Variants in CANT1 observed in about 807,000 individuals in gnomAD.
CANT1 encodes the protein soluble calcium-activated nucleotidase 1.
In CANT1, 26 loss-of-function variants were observed where a neutral mutation model predicts 30.0. That is an observed-to-expected ratio of 0.87 (90% CI 0.64 to 1.20). The LOEUF is 1.20. CANT1 is among the 50% of genes most tolerant of loss of function. The pLI is 0.00. For missense variants in CANT1, 518 were observed against 563.0 expected, an observed-to-expected ratio of 0.92 and a Z score of 0.81; for synonymous variants, 246 against 251.8, an observed-to-expected ratio of 0.98 and a Z score of 0.22.
rs1057135787 is a variant in CANT1, at chr17:79,009,733, C to T, written c.-216G>A. 2 of 151,602 alleles carry T rather than the reference C, an allele frequency of 1.3e-5. No homozygotes were observed. Among genetic ancestry groups the T allele is most frequent in the Non-Finnish European group, 2.9e-5 (2 of 67,844 alleles). 9.4% of individuals were successfully genotyped at this position (151,602 alleles called of 1,614,324 possible). The stretch of plus-strand genomic sequence containing the variant: ...CTGGGCTTGGCTGGGCTTGGCTGGG[C>T]TAACGGCCGGGACGGAGGAAGGTGG... On this transcript the variant is annotated 5_prime_UTR_variant, in exon 1 of 5. Coordinates refer to ENST00000392446, the MANE Select transcript of CANT1 (RefSeq NM_001159773.2).
chr17:78,997,551 G>GC lies in CANT1; in HGVS notation c.71dup (p.Leu25ProfsTer65), dbSNP rs763733217. On this transcript the variant is annotated frameshift_variant, in exon 3 of 5. Coordinates refer to ENST00000392446, the MANE Select transcript of CANT1 (RefSeq NM_001159773.2). LOFTEE classifies it high-confidence loss of function. The surrounding 1 kb of genome is among the most constrained non-coding windows in gnomAD (Gnocchi z 7.5). ...TGGTCATGGACGCCAGCACAGGAAG[G>GC]CCCCCCACACTGATCCGGAGGGAGT... is the stretch of plus-strand genomic sequence containing the variant. 1.0e-5 allele frequency: 16 copies of GC among 1,565,180 alleles called. No homozygotes were observed. Among genetic ancestry groups the GC allele is most frequent in the East Asian group, 9.1e-5 (4 of 44,198 alleles).
Position 78,991,846 on chromosome 17 carries a change from C to T in CANT1, c.*1704G>A. ...TGAGCTTTAAAGTAATCGCAAATCA[C>T]TGCCTATGCGAAGAGGCTGCTTCCG... is the stretch of plus-strand genomic sequence containing the variant. On this transcript the variant is annotated 3_prime_UTR_variant, in exon 5 of 5. Transcript: ENST00000392446. The T allele has an allele frequency of 4.3e-6, 1 of 230,694 alleles. No individual in the cohort carries two copies. The allele number at this position is 230,694 out of a possible 1,614,324, so 14.3% of individuals were successfully genotyped here.
At position 78,996,127 on chromosome 17, in the gene CANT1, G is replaced by A. The variant is rs1023321693; in HGVS notation, c.631+865C>T. Reference sequence around the variant, plus strand: ...ACCAACGCCTCAGTTGATACCTCAGGTGAGGTCCGTCCCCTGCCCAGCCCT... The same window carrying A: ...ACCAACGCCTCAGTTGATACCTCAGATGAGGTCCGTCCCCTGCCCAGCCCT... On this transcript the variant is annotated intron_variant, in intron 3 of 4. Transcript: ENST00000392446. This position sits in a 1 kb window ranked among gnomAD's most constrained non-coding sequence, Gnocchi z 5.1. 6.6e-6 allele frequency among the ~76,000 whole-genome samples: 1 copy of A among 152,218 alleles called. No individual in the cohort carries two copies. The highest frequency in any genetic ancestry group is 2.1e-4 in the South Asian group (1 of 4,834).
intron 1 of CANT1, chr17:79,005,233 GGAGTTAGGGAGGTGA>G (rs1164597619): frequency 1.3e-5 from 2 of 150,690 alleles, no homozygotes; most frequent in African/African-American, 2.5e-5. Flanking sequence ...TAGGGAGGGG[GGAGTTAGGGAGGTGA>G]GAGTTAAAGA....
intron 4 of CANT1, among the ~76,000 whole-genome samples, chr17:78,994,780 C>T (rs962705244): frequency 3.3e-5 from 5 of 152,126 alleles, no homozygotes; most frequent in Admixed American, 1.3e-4. Flanking sequence ...ATTAGCTGGG[C>T]GTGGTGGTGC....
chr17:79,007,000 G>A (rs746994456), intron 1 of CANT1, among the ~76,000 whole-genome samples: 55 of 152,180 alleles, frequency 3.6e-4, no homozygotes, highest in Non-Finnish European at 1.5e-4. Flanking sequence ...GTGGCATCAC[G>A]CACTGTCTTA....
rs1274775413 is a variant in CANT1 at position 78,996,341 on chromosome 17, C to T, written c.631+651G>A. 6.6e-6 allele frequency among the ~76,000 whole-genome samples: 1 copy of T among 152,160 alleles called. No individual in the cohort carries two copies. The highest frequency in any genetic ancestry group is 1.5e-5 in the Non-Finnish European group (1 of 68,008). On this transcript the variant is annotated intron_variant, in intron 3 of 4. Coordinates refer to ENST00000392446, the MANE Select transcript of CANT1 (RefSeq NM_001159773.2). The surrounding 1 kb of genome is among the most constrained non-coding windows in gnomAD (Gnocchi z 5.1). ...CTCAGAGGAGCTGGCAGCTCCTCTG[C>T]CAGCGTCCTTGGCACCTCCCCAGCT...
chr17:78,994,901 C>CAGA, intron 4 of CANT1, 117 bp downstream of exon 4: 1 of 1,091,458 alleles, frequency 9.2e-7, no homozygotes, highest in South Asian at 1.4e-5. Context: ...ACCGGGGTGA[C>CAGA]AGAGCAAGAC....
Position 78,998,344 on chromosome 17 carries a change from G to C in CANT1, c.-146-381C>G, listed in dbSNP as rs138834308. 6.6e-6 allele frequency: 1 copy of C among 152,454 alleles called. No individual in the cohort carries two copies. The highest frequency in any genetic ancestry group is 6.5e-5 in the Admixed American group (1 of 15,284). 9.4% of individuals were successfully genotyped at this position (152,454 alleles called of 1,614,324 possible). On this transcript the variant is annotated intron_variant, in intron 1 of 4. Coordinates refer to ENST00000392446, the MANE Select transcript of CANT1 (RefSeq NM_001159773.2). The surrounding 1 kb of genome is among the most constrained non-coding windows in gnomAD (Gnocchi z 4.5). ...CAAATAAAAACACTCCTTCTTTTTC[G>C]TATCTGTTGTTGTTTTTGGCAGTGT...
In CANT1 at chr17:79,002,999, C is replaced by T. The variant is rs1469885312; in HGVS notation, c.-146-5036G>A. The stretch of plus-strand genomic sequence containing the variant: ...GGAACCAGAGGTGTCTGAGTCCCGG[C>T]GTCTCTGCCCCTCTGGGGAATCAGT... On this transcript the variant is annotated intron_variant, in intron 1 of 4. Coordinates refer to ENST00000392446, the MANE Select transcript of CANT1 (RefSeq NM_001159773.2). The surrounding 1 kb of genome is among the most constrained non-coding windows in gnomAD (Gnocchi z 4.0). Among the ~76,000 whole-genome samples the T allele has an allele frequency of 5.3e-5, 8 of 151,894 alleles. No homozygotes were observed. Among genetic ancestry groups the T allele is most frequent in the African/African-American group, 1.4e-4 (6 of 41,388 alleles).
chr17:78,992,584 C>A lies in CANT1; in HGVS notation c.*966G>T. The A allele has an allele frequency of 2.2e-6, 1 of 457,036 alleles. No individual in the cohort carries two copies. The highest frequency in any genetic ancestry group is 4.3e-6 in the Non-Finnish European group (1 of 232,592). 28.3% of individuals were successfully genotyped at this position (457,036 alleles called of 1,614,324 possible). ...GAAGAGACAGGCCTCGTTCACAGAC[C>A]CTAGGCAGGGAATAAAAAATTCAAG... On this transcript the variant is annotated 3_prime_UTR_variant, in exon 5 of 5. Transcript: ENST00000392446.
At chr17:79,005,775 C>T (rs1228567664) in intron 1 of CANT1, among the ~76,000 whole-genome samples, 1 of 152,144 alleles carries the variant, frequency 6.6e-6, no homozygotes, top group Non-Finnish European at 1.5e-5. Context: ...CCCCACTGAC[C>T]TACAGACTCT....
chr17:79,000,690 C>T (rs905073338), intron 1 of CANT1, among the ~76,000 whole-genome samples: 1 of 152,246 alleles, frequency 6.6e-6, no homozygotes, highest in Non-Finnish European at 1.5e-5. Context: ...CCTGACCACA[C>T]TGGCCCTGGC....
Position 78,993,471 on chromosome 17 carries a change from A to G in CANT1, c.*79T>C, listed in dbSNP as rs1286976995. On this transcript the variant is annotated 3_prime_UTR_variant, in exon 5 of 5. Transcript: ENST00000392446. This position sits in a 1 kb window ranked among gnomAD's most constrained non-coding sequence, Gnocchi z 4.5. ...ACCCAGGCACAGTTCCAAAAAGAACAAAACAAAACAAAAGTGCACTCCTCT... is the reference window on the plus strand; with the variant it reads ...ACCCAGGCACAGTTCCAAAAAGAACGAAACAAAACAAAAGTGCACTCCTCT... 1.2e-6 allele frequency: 2 copies of G among 1,601,680 alleles called. No individual in the cohort carries two copies. The highest frequency in any genetic ancestry group is 1.7e-6 in the Non-Finnish European group (2 of 1,171,804).
intron 4 of CANT1, 125 bp downstream of exon 4, chr17:78,994,893 C>T (rs1038814687): frequency 4.7e-5 from 48 of 1,027,944 alleles, no homozygotes; most frequent in Admixed American, 1.0e-4. Context: ...GCACTCTAAC[C>T]GGGGTGACAG....
chr17:78,993,253 G>C lies in CANT1; in HGVS notation c.*297C>G. On this transcript the variant is annotated 3_prime_UTR_variant, in exon 5 of 5. Transcript: ENST00000392446. The surrounding 1 kb of genome is among the most constrained non-coding windows in gnomAD (Gnocchi z 4.5). ...TCACTGAACAAAAGAACATAGGAAA[G>C]AAAAGAAACGAGGTCGGATGGAAGA... The C allele has an allele frequency of 2.1e-6, 1 of 478,472 alleles. No homozygotes were observed. The highest frequency in any genetic ancestry group is 2.1e-5 in the South Asian group (1 of 46,878). 29.6% of individuals were successfully genotyped at this position (478,472 alleles called of 1,614,324 possible).
rs1002746124 is a variant in CANT1, at chr17:79,009,175, G to A, written c.-147+489C>T. ...GGTGCCCCACATGAATCAGAGGGGG[G>A]TGGTCCCCACACTAATCAGAGCGGG... On this transcript the variant is annotated intron_variant, in intron 1 of 4. Coordinates refer to ENST00000392446, the MANE Select transcript of CANT1 (RefSeq NM_001159773.2). 8.1e-4 allele frequency among the ~76,000 whole-genome samples: 122 copies of A among 150,716 alleles called. 1 individual carries two copies. The highest frequency in any genetic ancestry group is 4.1e-4 in the Non-Finnish European group (28 of 67,498).
Position 78,992,588 on chromosome 17 carries a change from G to A in CANT1, c.*962C>T. On this transcript the variant is annotated 3_prime_UTR_variant, in exon 5 of 5. Coordinates refer to ENST00000392446, the MANE Select transcript of CANT1 (RefSeq NM_001159773.2). ...AGACAGGCCTCGTTCACAGACCCTAGGCAGGGAATAAAAAATTCAAGTCAT... is the reference window on the plus strand; with the variant it reads ...AGACAGGCCTCGTTCACAGACCCTAAGCAGGGAATAAAAAATTCAAGTCAT... 2.2e-6 allele frequency: 1 copy of A among 463,740 alleles called. No homozygotes were observed. The highest frequency in any genetic ancestry group is 4.2e-6 in the Non-Finnish European group (1 of 235,652). 28.7% of individuals were successfully genotyped at this position (463,740 alleles called of 1,614,324 possible).
rs537971196 is a variant in CANT1, at chr17:79,003,452, G to T, written c.-146-5489C>A. On this transcript the variant is annotated intron_variant, in intron 1 of 4. Coordinates refer to ENST00000392446, the MANE Select transcript of CANT1 (RefSeq NM_001159773.2). ...TAAAAAGCTGGGTTCTTTTTCGGGG[G>T]TGGGGGGTGGGGGGGCTCTTTTGTT... Among the ~76,000 whole-genome samples, 267 of 113,944 alleles carry T rather than the reference G, an allele frequency of 2.3e-3. 1 individual carries two copies. Among genetic ancestry groups the T allele is most frequent in the African/African-American group, 8.5e-3 (254 of 29,718 alleles). 74.8% of individuals were successfully genotyped at this position (113,944 alleles called of 152,430 possible).
Sources: gnomAD v4.1 joint callset for allele counts (sites outside exome capture counted in the v4.1 genomes callset) on GRCh38, gnomAD v4.1.1 for gene constraint, Gnocchi (gnomAD v3.1) non-coding constraint, MANE v1.5 for transcripts, NCBI Gene and HGNC (gene_info 2026-07-23, HGNC 2026-07-21) for gene names.